The following RXRG variants were observed in gnomAD, a reference collection of about 807,000 sequenced individuals.
RXRG encodes retinoid X receptor gamma.
Under a neutral mutation model 49.2 loss-of-function variants are expected in RXRG, and 19 were observed. The ratio of observed to expected loss-of-function variants is 0.39; its 90% CI spans 0.27 to 0.57. RXRG has a LOEUF of 0.57. Ranked by LOEUF, RXRG falls within the 20% of genes least tolerant of loss-of-function variation. RXRG has a pLI of 0.64. For missense variants in RXRG, 452 were observed against 592.5 expected, an observed-to-expected ratio of 0.76 and a Z score of 2.46; for synonymous variants, 224 against 216.6, an observed-to-expected ratio of 1.03 and a Z score of -0.30.
At position 165,408,230 on chromosome 1, in the gene RXRG, G is replaced by T. The variant is rs1478125488; in HGVS notation, c.1135C>A (p.Pro379Thr). 9.9e-6 allele frequency: 16 copies of T among 1,613,008 alleles called. No homozygotes were observed. The highest frequency in any genetic ancestry group is 1.4e-5 in the Non-Finnish European group (16 of 1,179,140). Reference protein sequence around the residue: ...GCLRAIVLFNPDAKGLSNPSE... With the variant: ...GCLRAIVLFNTDAKGLSNPSE... ...CCTGGGGTTGAAGGGCGGTTACCTGGGTTAAAGAGTACAATGGCTCGCAGG... is the reference window on the plus strand; with the variant it reads ...CCTGGGGTTGAAGGGCGGTTACCTGTGTTAAAGAGTACAATGGCTCGCAGG... Residue 379 changes from proline (P) to threonine (T), a missense_variant, in exon 8 of 10, where the codon CCA becomes ACA. Physicochemically the swap from Pro to Thr is conservative, Grantham distance 38. Transcript: ENST00000359842.
chr1:165,423,221 G>A (rs1658378092), intron 2 of RXRG, among the ~76,000 whole-genome samples: 1 of 152,178 alleles, frequency 6.6e-6, no homozygotes, highest in African/African-American at 2.4e-5. Flanking sequence ...TTAGCTGCCT[G>A]GTCCCCAAGT....
At chr1:165,420,491 C>T (rs1658279567) in intron 2 of RXRG, among the ~76,000 whole-genome samples, 2 of 152,294 alleles carry the variant, frequency 1.3e-5, no homozygotes, top group South Asian at 2.1e-4. Context: ...AACAGATATT[C>T]CCTGGGCACT....
intron 1 of RXRG, 111 bp downstream of exon 1, chr1:165,444,734 A>T (rs1659105590): frequency 3.2e-6 from 3 of 947,432 alleles, no homozygotes; most frequent in Non-Finnish European, 5.1e-6. Context: ...TATGCATATA[A>T]ACATATATGT....
intron 8 of RXRG, 21 bp downstream of exon 8, chr1:165,408,206 C>G (rs1211926453): frequency 6.3e-7 from 1 of 1,590,656 alleles, no homozygotes; most frequent in Non-Finnish European, 8.6e-7. Flanking sequence ...CACACATCCC[C>G]TGGGGTTGAA....
chr1:165,407,318 G>C (rs1657788803), intron 8 of RXRG, among the ~76,000 whole-genome samples: 2 of 152,182 alleles, frequency 1.3e-5, no homozygotes, highest in South Asian at 4.1e-4. Flanking sequence ...CCTAATTCTG[G>C]AGATAAAGCC....
At chr1:165,439,496 C>T (rs550326479) in intron 1 of RXRG, among the ~76,000 whole-genome samples, 2 of 152,218 alleles carry the variant, frequency 1.3e-5, no homozygotes, top group Non-Finnish European at 2.9e-5. Flanking sequence ...ACTGGGGTTG[C>T]GTGAAGCATG....
At chr1:165,415,093 T>C (rs1339399895) in intron 4 of RXRG, among the ~76,000 whole-genome samples, 1 of 151,276 alleles carries the variant, frequency 6.6e-6, no homozygotes, top group Non-Finnish European at 1.5e-5. Flanking sequence ...CAAGGAAGGG[T>C]TGGGGGTGGC....
chr1:165,409,895 TC>T (rs954647278), intron 6 of RXRG, among the ~76,000 whole-genome samples: 1 of 150,876 alleles, frequency 6.6e-6, no homozygotes, highest in Non-Finnish European at 1.5e-5. Flanking sequence ...GCTCTGCACA[TC>T]CCCCCACTCT....
intron 1 of RXRG, among the ~76,000 whole-genome samples, chr1:165,440,629 G>A (rs567249939): frequency 1.3e-5 from 2 of 152,004 alleles, no homozygotes; most frequent in African/African-American, 4.8e-5. Context: ...CTGAGCCAGG[G>A]CTGAGTCAAT....
intron 2 of RXRG, among the ~76,000 whole-genome samples, chr1:165,426,715 G>C (rs947784665): frequency 3.7e-4 from 56 of 152,120 alleles, no homozygotes; most frequent in African/African-American, 1.3e-3. Flanking sequence ...GTGATCTCCA[G>C]AGAAACAGAA....
At chr1:165,424,188 T>C (rs116221243) in intron 2 of RXRG, among the ~76,000 whole-genome samples, 4,436 of 152,332 alleles carry the variant, frequency 0.029, 92 homozygotes, top group Non-Finnish European at 0.042. Flanking sequence ...CAATGATATA[T>C]TGATGTCTTT....
intron 2 of RXRG, among the ~76,000 whole-genome samples, chr1:165,424,350 A>G (rs1658414743): frequency 6.6e-6 from 1 of 152,238 alleles, no homozygotes; most frequent in Non-Finnish European, 1.5e-5. Context: ...AGTACACCTG[A>G]ATTACCTAAG....
At chr1:165,421,691 AG>A (rs1384368102) in intron 2 of RXRG, among the ~76,000 whole-genome samples, 1 of 151,924 alleles carries the variant, frequency 6.6e-6, no homozygotes, top group Non-Finnish European at 1.5e-5. Context: ...CACGACACTT[AG>A]CTAACTTTTT....
At chr1:165,416,432 G>A (rs766220706) in intron 4 of RXRG, among the ~76,000 whole-genome samples, 1 of 151,810 alleles carries the variant, frequency 6.6e-6, no homozygotes, top group Non-Finnish European at 1.5e-5. Flanking sequence ...AACACACAGT[G>A]GTGGTCTCTC....
At chr1:165,411,531 C>G (rs987691660) in intron 4 of RXRG, among the ~76,000 whole-genome samples, 1 of 152,164 alleles carries the variant, frequency 6.6e-6, no homozygotes, top group Non-Finnish European at 1.5e-5. Flanking sequence ...CTGTCAGATC[C>G]TATGCATCAT....
chr1:165,427,660 T>C (rs1658533421), intron 2 of RXRG, among the ~76,000 whole-genome samples: 1 of 152,178 alleles, frequency 6.6e-6, no homozygotes, highest in Non-Finnish European at 1.5e-5. Context: ...GCCAGGATGG[T>C]CTCCATCTCC....
At chr1:165,438,017 C>T (rs985926322) in intron 1 of RXRG, among the ~76,000 whole-genome samples, 2 of 152,180 alleles carry the variant, frequency 1.3e-5, no homozygotes, top group African/African-American at 4.8e-5. Context: ...TCACTCTAAA[C>T]CTCAGTTTCC....
rs760019442 is a variant in RXRG, at chr1:165,401,245, G to A, written c.*18C>T. 1 of 1,613,622 alleles carries A rather than the reference G, an allele frequency of 6.2e-7. No homozygotes were observed. The highest frequency in any genetic ancestry group is 1.1e-5 in the South Asian group (1 of 91,032). ...GCCCAGGGGTCATCCTGGGTGGGGAGGCTGTGGCTGGTGGGGCTCAGGTGA... is the reference window on the plus strand; with the variant it reads ...GCCCAGGGGTCATCCTGGGTGGGGAAGCTGTGGCTGGTGGGGCTCAGGTGA... On this transcript the variant is annotated 3_prime_UTR_variant, in exon 10 of 10. Transcript: ENST00000359842.
intron 4 of RXRG, among the ~76,000 whole-genome samples, chr1:165,414,450 C>A (rs1295470084): frequency 6.6e-6 from 1 of 152,168 alleles, no homozygotes; most frequent in Non-Finnish European, 1.5e-5. Flanking sequence ...GGATATTCAG[C>A]CTGCATTTTC....
Sources: allele counts gnomAD v4.1 joint callset (sites outside exome capture counted in the v4.1 genomes callset), GRCh38; gene constraint gnomAD v4.1.1; transcripts MANE v1.5; gene names NCBI Gene and HGNC (gene_info 2026-07-23, HGNC 2026-07-21).